NSF: variants seen among roughly 807,000 people sequenced by gnomAD.
The protein encoded by NSF is N-ethylmaleimide sensitive factor, vesicle fusing ATPase.
Under a neutral mutation model 50.3 loss-of-function variants are expected in NSF, and 14 were observed. The ratio of observed to expected loss-of-function variants is 0.28; its 90% CI spans 0.18 to 0.44. The LOEUF (loss-of-function observed/expected upper bound fraction) is 0.44, where lower values mean the gene tolerates loss of function less well. NSF is among the 20% of genes least tolerant of loss of function. The pLI, the probability that NSF is intolerant of heterozygous loss-of-function variation, is 1.00. For synonymous variants in NSF, 109 were observed against 175.7 expected (o/e 0.62, Z 3.00); for missense variants, 218 against 504.3 (o/e 0.43, Z 5.44).
chr17:46,734,088 C>T (rs752717217), intron 17 of NSF, among the ~76,000 whole-genome samples: 2 of 152,166 alleles, frequency 1.3e-5, no homozygotes, highest in Non-Finnish European at 2.9e-5. Context: ...CCTTACATGA[C>T]ATCTTAGCAG....
intron 17 of NSF, among the ~76,000 whole-genome samples, chr17:46,736,575 A>G (rs1208773567): frequency 1.3e-5 from 2 of 152,140 alleles, no homozygotes. Context: ...CCTGTACTTT[A>G]TAGATTTTCT....
intron 1 of NSF, among the ~76,000 whole-genome samples, chr17:46,610,037 C>CTT (rs767692347): frequency 1.9e-4 from 18 of 92,872 alleles, no homozygotes; most frequent in African/African-American, 6.5e-4. Context: ...TTCTCTCTCT[C>CTT]TCTCTCTTTC....
At chr17:46,661,410 T>TATTATTATTATTATTA (rs1568023993) in intron 8 of NSF, among the ~76,000 whole-genome samples, 10 of 102,174 alleles carry the variant, frequency 9.8e-5, no homozygotes, top group African/African-American at 3.9e-4. Flanking sequence ...TTATTATTAT[T>TATTATTATTATTATTA]TTTGAGATGG....
At chr17:46,733,021 G>A (rs1302557156) in intron 17 of NSF, among the ~76,000 whole-genome samples, 1 of 152,204 alleles carries the variant, frequency 6.6e-6, no homozygotes, top group Non-Finnish European at 1.5e-5. Flanking sequence ...GAGGGTAAAA[G>A]ACCACTGCAG....
intron 19 of NSF, among the ~76,000 whole-genome samples, chr17:46,753,943 A>G (rs1295746552): frequency 6.6e-6 from 1 of 152,194 alleles, no homozygotes; most frequent in Non-Finnish European, 1.5e-5. Flanking sequence ...TATTCTGTTA[A>G]AACTTGCACA....
At position 46,635,777 on chromosome 17, in the gene NSF, A is replaced by ATGTGTGTGTGTGTGTGTGTG. The variant is rs148930686; in HGVS notation, c.239-1576_239-1557dup. Among the ~76,000 whole-genome samples, 246 of 116,734 alleles carry ATGTGTGTGTGTGTGTGTGTG rather than the reference A, an allele frequency of 2.1e-3. 2 individuals are homozygous for ATGTGTGTGTGTGTGTGTGTG. Among genetic ancestry groups the ATGTGTGTGTGTGTGTGTGTG allele is most frequent in the East Asian group, 5.5e-3 (27 of 4,930 alleles). The allele number at this position is 116,734 out of a possible 152,430, so 76.6% of individuals were successfully genotyped here. ...TTCAGGGAACCTAAAGGGAAAATAA[A>ATGTGTGTGTGTGTGTGTGTG]TGTGTGTGTGTGTGTGTGTGTGTGT... On this transcript the variant is annotated intron_variant, in intron 4 of 20. Coordinates refer to ENST00000398238, the MANE Select transcript of NSF (RefSeq NM_006178.4).
Position 46,719,003 on chromosome 17 carries a change from G to A in NSF, c.1761+5017G>A, listed in dbSNP as rs903222025. On this transcript the variant is annotated intron_variant, in intron 15 of 20. Coordinates refer to ENST00000398238, the MANE Select transcript of NSF (RefSeq NM_006178.4). This position sits in a 1 kb window ranked among gnomAD's most constrained non-coding sequence, Gnocchi z 4.3. ...ATGCTCTTGGTTTTATAAAGCCTAC[G>A]CCTTCAGAATGTTGTACTAATTTAC... Among the ~76,000 whole-genome samples the A allele has an allele frequency of 6.6e-6, 1 of 152,080 alleles. No homozygotes were observed. The highest frequency in any genetic ancestry group is 1.5e-5 in the Non-Finnish European group (1 of 68,002).
chr17:46,747,595 T>C (rs915303476), intron 17 of NSF, among the ~76,000 whole-genome samples: 2 of 152,126 alleles, frequency 1.3e-5, no homozygotes, highest in African/African-American at 4.8e-5. Context: ...AAACAAGATA[T>C]TGTATTTTAA....
chr17:46,750,225 C>T (rs2059168675), intron 18 of NSF, among the ~76,000 whole-genome samples: 1 of 152,056 alleles, frequency 6.6e-6, no homozygotes. Flanking sequence ...TGGTGGTGGG[C>T]ACCTGTAGTT....
intron 17 of NSF, among the ~76,000 whole-genome samples, chr17:46,734,524 C>T (rs188392768): frequency 6.6e-6 from 1 of 151,996 alleles, no homozygotes. Context: ...TTGGAAAGTC[C>T]TTTGTAGATT....
chr17:46,728,855 A>G lies in NSF; in HGVS notation c.1829A>G (p.Asp610Gly). The G allele has an allele frequency of 3.8e-6, 6 of 1,599,300 alleles. No individual in the cohort carries two copies. The highest frequency in any genetic ancestry group is 5.1e-6 in the Non-Finnish European group (6 of 1,172,198). Residue 610 changes from aspartate to glycine, a missense_variant and splice_region_variant, in exon 17 of 21, where the codon GAT (aspartate) becomes GGT (glycine). Coordinates refer to ENST00000398238, the MANE Select transcript of NSF (RefSeq NM_006178.4). ...VVVDDIERLL[D>G]YVPIGPRFSN... ...AAACATAATAATGTTTCTTTTCCAG[A>G]TTACGTCCCTATTGGCCCTCGATTT...
At chr17:46,703,680 CAAAAAAAAAAAA>C (rs149212597) in intron 12 of NSF, among the ~76,000 whole-genome samples, 1 of 37,724 alleles carries the variant, frequency 2.7e-5, no homozygotes, top group Non-Finnish European at 5.0e-5. Flanking sequence ...GACTCCGTCT[CAAAAAAAAAAAA>C]AAAAAAAAAA....
intron 1 of NSF, among the ~76,000 whole-genome samples, chr17:46,595,556 T>C (rs1385899814): frequency 7.6e-6 from 1 of 132,092 alleles, no homozygotes; most frequent in Non-Finnish European, 1.5e-5. Context: ...AGTGGTGTTA[T>C]CTTGGCCTCA....
intron 15 of NSF, among the ~76,000 whole-genome samples, chr17:46,714,309 A>AT: frequency 6.6e-6 from 1 of 152,282 alleles, no homozygotes; most frequent in Middle Eastern, 3.4e-3. Context: ...TTCATTTAGG[A>AT]TTTTTTAAAG....
At chr17:46,724,450 G>A (rs1177143008) in intron 15 of NSF, among the ~76,000 whole-genome samples, 1 of 152,194 alleles carries the variant, frequency 6.6e-6, no homozygotes, top group East Asian at 1.9e-4. Flanking sequence ...AGCCAAGGCA[G>A]GGAAAGGAGT....
At chr17:46,741,941 A>G (rs2059076999) in intron 17 of NSF, among the ~76,000 whole-genome samples, 1 of 152,124 alleles carries the variant, frequency 6.6e-6, no homozygotes, top group South Asian at 2.1e-4. Flanking sequence ...AATTTAGTAG[A>G]GACAGCATTT....
intron 15 of NSF, among the ~76,000 whole-genome samples, chr17:46,725,750 C>T (rs1435966152): frequency 1.3e-5 from 2 of 152,012 alleles, no homozygotes; most frequent in African/African-American, 4.8e-5. Flanking sequence ...TGGTTACCAA[C>T]CAGAGAGAGT....
At chr17:46,746,530 AAGATCTGTGTAT>A (rs1179780858) in intron 17 of NSF, among the ~76,000 whole-genome samples, 10 of 152,252 alleles carry the variant, frequency 6.6e-5, no homozygotes, top group Middle Eastern at 3.4e-3. Flanking sequence ...CTGAATTTCC[AAGATCTGTGTAT>A]AGGTTCAATG....
At chr17:46,732,766 A>G (rs2058962554) in intron 17 of NSF, among the ~76,000 whole-genome samples, 1 of 152,206 alleles carries the variant, frequency 6.6e-6, no homozygotes, top group South Asian at 2.1e-4. Flanking sequence ...ATTTCAATCA[A>G]GTTTCCCTGT....
Sources: allele counts gnomAD v4.1 joint callset (sites outside exome capture counted in the v4.1 genomes callset), GRCh38; gene constraint gnomAD v4.1.1; non-coding constraint Gnocchi (gnomAD v3.1); transcripts MANE v1.5; gene names NCBI Gene and HGNC (gene_info 2026-07-23, HGNC 2026-07-21).